Variants in EDNRA observed in about 807,000 individuals in gnomAD.
EDNRA encodes endothelin-1 receptor.
EDNRA carries 11 observed loss-of-function variants against 41.4 expected under a neutral mutation model. The observed-to-expected ratio is 0.27, with a 90% CI of 0.17 to 0.44. The LOEUF (loss-of-function observed/expected upper bound fraction) is 0.44. EDNRA is among the 20% of genes least tolerant of loss of function. The pLI, the probability that EDNRA is intolerant of heterozygous loss-of-function variation, is 1.00. For missense variants in EDNRA, 294 were observed against 531.0 expected (o/e 0.55, Z 4.39); for synonymous variants, 172 against 183.0 (o/e 0.94, Z 0.49).
chr4:147,498,286 C>T (rs1560897912), intron 2 of EDNRA, among the ~76,000 whole-genome samples: 1 of 152,128 alleles, frequency 6.6e-6, no homozygotes. Flanking sequence ...AATAGCTTCA[C>T]GGTAATATTT....
chr4:147,539,813 T>A lies in EDNRA; in HGVS notation c.901-4T>A. Reference sequence around the variant, plus strand: ...TGTCCTATTTTTTTCTCACTTTCCTTTAGCGTCGAGAAGTGGCAAAAACAG... The same window carrying A: ...TGTCCTATTTTTTTCTCACTTTCCTATAGCGTCGAGAAGTGGCAAAAACAG... On this transcript the variant is annotated splice_polypyrimidine_tract_variant and splice_region_variant and intron_variant, in intron 5 of 7. Transcript: ENST00000651419. 6.2e-7 allele frequency: 1 copy of A among 1,604,658 alleles called. No individual in the cohort carries two copies. The highest frequency in any genetic ancestry group is 8.5e-7 in the Non-Finnish European group (1 of 1,177,982).
chr4:147,542,724 T>A lies in EDNRA; in HGVS notation c.*106T>A. The A allele has an allele frequency of 7.0e-7, 1 of 1,426,262 alleles. No individual in the cohort carries two copies. The highest frequency in any genetic ancestry group is 2.2e-5 in the Admixed American group (1 of 46,016). 88.4% of individuals were successfully genotyped at this position (1,426,262 alleles called of 1,614,324 possible). A position where few individuals can be genotyped will look rare whatever the true frequency, so the allele number is the denominator to read the frequency against. ...TCTTCTCTGATCCTTCTTCCTTAAT[T>A]CACTCCCACACCCAAGAAGAAATGC... On this transcript the variant is annotated 3_prime_UTR_variant, in exon 8 of 8. Coordinates refer to ENST00000651419, the MANE Select transcript of EDNRA (RefSeq NM_001957.4).
intron 2 of EDNRA, among the ~76,000 whole-genome samples, chr4:147,497,125 TA>T (rs1267493623): frequency 4.6e-5 from 7 of 151,118 alleles, no homozygotes; most frequent in Non-Finnish European, 1.0e-4. Context: ...GGTACAGAAT[TA>T]AGAACTAGGC....
chr4:147,540,107 C>T (rs1187679956), intron 6 of EDNRA, among the ~76,000 whole-genome samples, 157 bp downstream of exon 6: 1 of 152,110 alleles, frequency 6.6e-6, no homozygotes, highest in Non-Finnish European at 1.5e-5. Flanking sequence ...ATAACTGATC[C>T]CAAAATGTGT....
chr4:147,497,662 C>T (rs1729355988), intron 2 of EDNRA, among the ~76,000 whole-genome samples: 1 of 152,080 alleles, frequency 6.6e-6, no homozygotes, highest in Non-Finnish European at 1.5e-5. Flanking sequence ...AGCTCCGCCT[C>T]CCAGGTTCAC....
At chr4:147,520,429 A>G (rs761141146) in intron 3 of EDNRA, 2 of 518,962 alleles carry the variant, frequency 3.9e-6, no homozygotes, top group African/African-American at 3.8e-5. Context: ...AAAGACTGAA[A>G]TGTTTCATAA....
Position 147,485,822 on chromosome 4 carries a change from C to T in EDNRA, c.141C>T (p.Phe47=). The T allele has an allele frequency of 6.2e-7, 1 of 1,614,256 alleles. No individual in the cohort carries two copies. Among genetic ancestry groups the T allele is most frequent in the Non-Finnish European group, 8.5e-7 (1 of 1,180,042 alleles). The change falls in exon 2 of 8, where the codon TTC becomes TTT. Residue 47 remains phenylalanine (F), a synonymous_variant. Coordinates refer to ENST00000651419, the MANE Select transcript of EDNRA (RefSeq NM_001957.4). ...FTTFRGTELS[F]LVTTHQPTNL... is the part of the protein sequence containing the mutation. ...CTTTTCGTGGCACAGAGCTCAGCTT[C>T]CTGGTTACCACTCATCAACCCACTA... is the stretch of plus-strand genomic sequence containing the variant.
chr4:147,489,024 A>T (rs1393968177), intron 2 of EDNRA: 4 of 152,226 alleles, frequency 2.6e-5, no homozygotes. Flanking sequence ...GGGATGTGTG[A>T]GCCTTCTTTA....
chr4:147,532,662 G>A lies in EDNRA; in HGVS notation c.705G>A (p.Gln235=). 6.2e-7 allele frequency: 1 copy of A among 1,614,100 alleles called. No individual in the cohort carries two copies. The highest frequency in any genetic ancestry group is 8.5e-7 in the Non-Finnish European group (1 of 1,180,016). The change falls in exon 4 of 8, where the codon CAG becomes CAA. Residue 235 remains glutamine, a synonymous_variant. Coordinates refer to ENST00000651419, the MANE Select transcript of EDNRA (RefSeq NM_001957.4). Reference sequence around the variant, plus strand: ...TACCCTTTGAATATAGGGGTGAACAGCATAAAACCTGTATGCTCAATGCCA... The same window carrying A: ...TACCCTTTGAATATAGGGGTGAACAACATAAAACCTGTATGCTCAATGCCA... ...VMVPFEYRGE[Q]HKTCMLNATS... is the part of the protein sequence containing the mutation.
At chr4:147,542,306 G>A (rs144041898) in intron 7 of EDNRA, among the ~76,000 whole-genome samples, 172 bp from the exon 8 acceptor site, 1 of 152,338 alleles carries the variant, frequency 6.6e-6, no homozygotes, top group African/African-American at 2.4e-5. Context: ...GGAATGGACA[G>A]TGTAACTCCT....
At chr4:147,517,602 A>G (rs948464698) in intron 2 of EDNRA, among the ~76,000 whole-genome samples, 3 of 152,208 alleles carry the variant, frequency 2.0e-5, no homozygotes, top group Non-Finnish European at 4.4e-5. Context: ...ATTTTCTCCA[A>G]TGATTTCTTT....
intron 2 of EDNRA, chr4:147,489,420 T>G (rs1156946232): frequency 6.6e-6 from 1 of 152,200 alleles, no homozygotes; most frequent in Non-Finnish European, 1.5e-5. Flanking sequence ...TATTAATATC[T>G]GAGGCAAGCT....
chr4:147,504,118 A>G (rs548458569), intron 2 of EDNRA, among the ~76,000 whole-genome samples: 4 of 151,592 alleles, frequency 2.6e-5, no homozygotes, highest in Admixed American at 1.3e-4. Context: ...ATATGAAAAA[A>G]CTCTAGCCTC....
At chr4:147,524,789 T>C (rs540674310) in intron 3 of EDNRA, among the ~76,000 whole-genome samples, 32 of 152,330 alleles carry the variant, frequency 2.1e-4, no homozygotes, top group Middle Eastern at 3.4e-3. Flanking sequence ...TTGACATTTC[T>C]ATTTCAAAAG....
intron 4 of EDNRA, among the ~76,000 whole-genome samples, chr4:147,533,523 G>A (rs1730822070): frequency 1.3e-5 from 2 of 152,134 alleles, no homozygotes; most frequent in African/African-American, 4.8e-5. Flanking sequence ...ACATCTCAAG[G>A]TATGCTTTCC....
At position 147,539,857 on chromosome 4, in the gene EDNRA, T is replaced by C. The variant is rs1560920455; in HGVS notation, c.941T>C (p.Ile314Thr). Residue 314 changes from isoleucine to threonine, a missense_variant, in exon 6 of 8, where the codon ATT becomes ACT. By Grantham distance (89) the Ile-to-Thr change is moderately conservative (BLOSUM62 -1). This residue lies in a region of EDNRA where 185 missense variants were observed against 390.8 expected (regional missense o/e 0.47). Transcript: ENST00000651419. ...VAKTVFCLVV[I>T]FALCWFPLHL... Reference sequence around the variant, plus strand: ...AAAACAGTTTTCTGCTTGGTTGTAATTTTTGCTCTTTGCTGGTTCCCTCTT... The same window carrying C: ...AAAACAGTTTTCTGCTTGGTTGTAACTTTTGCTCTTTGCTGGTTCCCTCTT... 6.2e-7 allele frequency: 1 copy of C among 1,612,498 alleles called. No individual in the cohort carries two copies. Among genetic ancestry groups the C allele is most frequent in the Non-Finnish European group, 8.5e-7 (1 of 1,179,750 alleles).
chr4:147,520,276 A>G, intron 3 of EDNRA: 1 of 437,748 alleles, frequency 2.3e-6, no homozygotes, highest in South Asian at 2.0e-5. Context: ...TGTGAAAAGG[A>G]GATTCCAGGA....
At chr4:147,529,973 G>A (rs188738334) in intron 3 of EDNRA, among the ~76,000 whole-genome samples, 1 of 152,304 alleles carries the variant, frequency 6.6e-6, no homozygotes, top group African/African-American at 2.4e-5. Context: ...GTTAATGAAG[G>A]AGCAGACTGA....
At chr4:147,483,724 AT>A (rs367755384) in intron 1 of EDNRA, among the ~76,000 whole-genome samples, 166 of 145,470 alleles carry the variant, frequency 1.1e-3, no homozygotes, top group Admixed American at 1.9e-3. Context: ...TATTTATTTA[AT>A]TTTTTTTTTT....
Sources: gnomAD v4.1 joint callset for allele counts (sites outside exome capture counted in the v4.1 genomes callset) on GRCh38, gnomAD v4.1.1 for gene constraint, gnomAD v4.1.1 regional missense constraint, MANE v1.5 for transcripts, NCBI Gene and HGNC (gene_info 2026-07-23, HGNC 2026-07-21) for gene names.